CCDC169: variants seen among roughly 807,000 people sequenced by gnomAD.
The protein encoded by CCDC169 is coiled-coil domain containing 169.
CCDC169 carries 30 observed loss-of-function variants against 36.0 expected under a neutral mutation model. That is an observed-to-expected ratio of 0.83 (90% CI 0.62 to 1.13). The LOEUF is 1.13. Among genes scored for constraint, CCDC169 ranks in the 50% most tolerant of loss-of-function variants. The pLI is 0.00. For missense variants in CCDC169, 245 were observed against 245.9 expected (o/e 1.00, Z 0.03); for synonymous variants, 85 against 81.5 (o/e 1.04, Z -0.23).
chr13:36,272,416 G>C (rs1303962689), intron 4 of CCDC169, among the ~76,000 whole-genome samples: 1 of 152,120 alleles, frequency 6.6e-6, no homozygotes, highest in African/African-American at 2.4e-5. Flanking sequence ...TGATACAAAA[G>C]TAGTAACACA....
chr13:36,246,530 A>T (rs927437897), intron 7 of CCDC169, among the ~76,000 whole-genome samples: 3 of 152,238 alleles, frequency 2.0e-5, no homozygotes, highest in Admixed American at 1.3e-4. Flanking sequence ...GCTGCAGAAG[A>T]AAAGCTGGAA....
intron 4 of CCDC169, among the ~76,000 whole-genome samples, chr13:36,278,399 C>G (rs1361907279): frequency 3.3e-5 from 5 of 152,084 alleles, no homozygotes; most frequent in Admixed American, 3.3e-4. Flanking sequence ...ATAGGTTATA[C>G]TCAGTACATT....
At chr13:36,278,066 T>C (rs1163163050) in intron 4 of CCDC169, among the ~76,000 whole-genome samples, 7 of 152,204 alleles carry the variant, frequency 4.6e-5, no homozygotes, top group African/African-American at 2.4e-5. Context: ...TGAAAACAGA[T>C]TGCACATCTT....
At chr13:36,259,657 C>T (rs780827473) in intron 4 of CCDC169, among the ~76,000 whole-genome samples, 19 of 152,100 alleles carry the variant, frequency 1.2e-4, no homozygotes, top group Non-Finnish European at 1.0e-4. Flanking sequence ...TGGAGTTACA[C>T]TCTATGCAAA....
rs148832311 is a variant in CCDC169 at position 36,297,485 on chromosome 13, A to C, written c.83+152T>G. On this transcript the variant is annotated intron_variant, in intron 1 of 7. Coordinates refer to ENST00000239859, the MANE Select transcript of CCDC169 (RefSeq NM_001144981.3). The stretch of plus-strand genomic sequence containing the variant: ...TCAAAGAGGCACGTGAATCTTTCGC[A>C]TGGAATACTTTTGGAACCCAGACCG... Among the ~76,000 whole-genome samples the C allele has an allele frequency of 2.6e-3, 396 of 152,318 alleles. 5 individuals are homozygous for C. Among genetic ancestry groups the C allele is most frequent in the Admixed American group, 3.8e-3 (58 of 15,308 alleles).
chr13:36,253,993 T>C, intron 5 of CCDC169, 52 bp downstream of exon 5: 3 of 1,530,554 alleles, frequency 2.0e-6, no homozygotes, highest in Non-Finnish European at 2.6e-6. Flanking sequence ...TAGATAACAT[T>C]AGAAATAATG....
At chr13:36,295,717 A>G in intron 2 of CCDC169, 61 bp downstream of exon 2, 1 of 866,298 alleles carries the variant, frequency 1.2e-6, no homozygotes. Flanking sequence ...CACCATAGAT[A>G]TCCTGGTAAA....
chr13:36,294,885 T>C (rs942524622), intron 2 of CCDC169, among the ~76,000 whole-genome samples: 1 of 152,114 alleles, frequency 6.6e-6, no homozygotes, highest in Non-Finnish European at 1.5e-5. Context: ...CATAACCGAT[T>C]AGGTTGGGGG....
intron 6 of CCDC169, among the ~76,000 whole-genome samples, chr13:36,249,259 A>G (rs952440260): frequency 6.6e-6 from 1 of 152,200 alleles, no homozygotes; most frequent in Non-Finnish European, 1.5e-5. Context: ...AATCAATAAT[A>G]CAAACTGAGA....
At chr13:36,260,552 A>G (rs879697299) in intron 4 of CCDC169, among the ~76,000 whole-genome samples, 2 of 152,202 alleles carry the variant, frequency 1.3e-5, no homozygotes, top group Non-Finnish European at 2.9e-5. Flanking sequence ...TTATCTTCCA[A>G]TCTGAGTTAC....
downstream of CCDC169, chr13:36,227,362 ATTC>A (rs1305874024): frequency 1.9e-6 from 3 of 1,548,018 alleles, no homozygotes; most frequent in Admixed American, 2.0e-5. Flanking sequence ...AAAGGGTCCA[ATTC>A]TTCTTTTAAG....
At chr13:36,287,950 C>T (rs1226997643) in intron 2 of CCDC169, among the ~76,000 whole-genome samples, 1 of 151,958 alleles carries the variant, frequency 6.6e-6, no homozygotes, top group Non-Finnish European at 1.5e-5. Context: ...TAATTAGGTG[C>T]TCACCATTTA....
intron 4 of CCDC169, among the ~76,000 whole-genome samples, chr13:36,268,396 A>G (rs1279729801): frequency 6.6e-6 from 1 of 152,220 alleles, no homozygotes; most frequent in African/African-American, 2.4e-5. Context: ...TGAAATAAAG[A>G]TGGAAATTTA....
chr13:36,283,681 T>A lies in CCDC169; in HGVS notation c.185A>T (p.Tyr62Phe). The A allele has an allele frequency of 6.4e-7, 1 of 1,550,958 alleles. No homozygotes were observed. Among genetic ancestry groups the A allele is most frequent in the Non-Finnish European group, 8.7e-7 (1 of 1,146,802 alleles). The change falls in exon 3 of 8, where the codon TAT becomes TTT. Residue 62 changes from tyrosine to phenylalanine, a missense_variant. Tyr to Phe is a conservative substitution (Grantham distance 22). Coordinates refer to ENST00000239859, the MANE Select transcript of CCDC169 (RefSeq NM_001144981.3). ...DNEGSEWKTR[Y>F]ETQLELNDEL... is the part of the protein sequence containing the mutation. ...ATCATTTAATTCAAGTTGTGTCTCA[T>A]AACGGGTTTTCCATTCACTACCTGA...
chr13:36,297,515 G>T, intron 1 of CCDC169, 122 bp downstream of exon 1: 3 of 886,894 alleles, frequency 3.4e-6, no homozygotes, highest in Non-Finnish European at 5.3e-6. Context: ...AGACCGAAGT[G>T]CCCAGGGGTT....
intron 2 of CCDC169, among the ~76,000 whole-genome samples, chr13:36,285,976 C>G (rs1394113272): frequency 1.3e-5 from 2 of 152,222 alleles, no homozygotes; most frequent in African/African-American, 4.8e-5. Context: ...GTCACTTTCT[C>G]TCTACTGGAC....
chr13:36,248,177 T>C (rs1273741327), intron 7 of CCDC169, among the ~76,000 whole-genome samples: 3 of 152,168 alleles, frequency 2.0e-5, no homozygotes, highest in African/African-American at 7.2e-5. Flanking sequence ...ACTACAGTAA[T>C]GGTATAAAAA....
chr13:36,294,965 T>C (rs1566094845), intron 2 of CCDC169, among the ~76,000 whole-genome samples: 1 of 152,210 alleles, frequency 6.6e-6, no homozygotes, highest in Non-Finnish European at 1.5e-5. Flanking sequence ...TTCTGCCTTT[T>C]AGTTTTTATT....
At chr13:36,226,720 G>A (rs568632189), downstream of CCDC169, 13 of 164,610 alleles carry the variant, frequency 7.9e-5, no homozygotes, top group East Asian at 1.7e-4. Context: ...GCATGTTCTC[G>A]CTTACAAGTG....
Sources: allele counts gnomAD v4.1 joint callset (sites outside exome capture counted in the v4.1 genomes callset), GRCh38; gene constraint gnomAD v4.1.1; transcripts MANE v1.5; gene names NCBI Gene and HGNC (gene_info 2026-07-23, HGNC 2026-07-21).